Variants in RYR3 observed in about 807,000 individuals in gnomAD.
The protein encoded by RYR3 is ryanodine receptor 3, also known as brain ryanodine receptor-calcium release channel.
Under a neutral mutation model 584.3 loss-of-function variants are expected in RYR3, and 207 were observed. The observed-to-expected ratio is 0.35, with a 90% CI of 0.32 to 0.40. The LOEUF is 0.40. Among genes scored for constraint, RYR3 ranks in the 10% least tolerant of loss-of-function variants. The pLI, the probability that RYR3 is intolerant of heterozygous loss-of-function variation, is 1.00. For synonymous variants in RYR3, 2,416 were observed against 2,248.5 expected (o/e 1.07, Z -2.11); for missense variants, 5,616 against 6,089.2 (o/e 0.92, Z 2.59).
intron 43 of RYR3, among the ~76,000 whole-genome samples, chr15:33,717,930 A>G (rs2067623008): frequency 6.6e-6 from 1 of 152,202 alleles, no homozygotes; most frequent in Non-Finnish European, 1.5e-5. Flanking sequence ...GCTCTTAGAC[A>G]TATCTCCAGT....
rs142351494 is a variant in RYR3, at chr15:33,823,434, A to G, written c.11072+362A>G. 5.3e-5 allele frequency among the ~76,000 whole-genome samples: 8 copies of G among 152,336 alleles called. No individual in the cohort carries two copies. The East Asian group carries it at 1.3e-3, about 26-fold the overall frequency. Reference sequence around the variant, plus strand: ...AAAGTCAAACCAGGAAAGAATGGAAAAGGGGGGATTCCTGACTATGATTCA... The same window carrying G: ...AAAGTCAAACCAGGAAAGAATGGAAGAGGGGGGATTCCTGACTATGATTCA... On this transcript the variant is annotated intron_variant, in intron 81 of 103. Coordinates refer to ENST00000634891, the MANE Select transcript of RYR3 (RefSeq NM_001036.6).
At chr15:33,736,385 ATG>A in intron 49 of RYR3, 60 bp downstream of exon 49, 1 of 1,136,996 alleles carries the variant, frequency 8.8e-7, no homozygotes, top group Non-Finnish European at 1.3e-6. Context: ...GCCTTGTAAT[ATG>A]TGATGTCTTC....
intron 1 of RYR3, among the ~76,000 whole-genome samples, chr15:33,347,995 A>G (rs1444350200): frequency 6.6e-6 from 1 of 151,774 alleles, no homozygotes; most frequent in African/African-American, 2.4e-5. Flanking sequence ...AAAGATATGT[A>G]TGTATATTAA....
chr15:33,646,630 T>C, intron 29 of RYR3, 104 bp downstream of exon 29: 1 of 1,022,434 alleles, frequency 9.8e-7, no homozygotes, highest in Admixed American at 2.4e-5. Context: ...ACTGATAGGG[T>C]TCTCTCTGCT....
chr15:33,646,286 A>G, intron 28 of RYR3, 65 bp from the exon 29 acceptor site: 1 of 1,421,598 alleles, frequency 7.0e-7, no homozygotes, highest in South Asian at 1.4e-5. Flanking sequence ...TCCACGAGGG[A>G]AAAAGGGACT....
chr15:33,532,504 C>T (rs2054968323), intron 4 of RYR3, among the ~76,000 whole-genome samples: 1 of 152,076 alleles, frequency 6.6e-6, no homozygotes, highest in African/African-American at 2.4e-5. Flanking sequence ...TTTTTGAGTA[C>T]AGGTTAACTT....
At chr15:33,383,895 T>C (rs543484029) in intron 1 of RYR3, among the ~76,000 whole-genome samples, 20 of 152,188 alleles carry the variant, frequency 1.3e-4, no homozygotes, top group African/African-American at 4.8e-4. Context: ...ATAAAGAAAA[T>C]TGGGTACATA....
At chr15:33,860,527 T>C (rs1377528062) in intron 100 of RYR3, 68 bp from the exon 101 acceptor site, 11 of 916,620 alleles carry the variant, frequency 1.2e-5, no homozygotes, top group South Asian at 2.1e-5. Context: ...AAGTAGCTTC[T>C]TCCTTTATCA....
At chr15:33,639,470 A>G (rs1342311317) in intron 27 of RYR3, among the ~76,000 whole-genome samples, 1 of 152,218 alleles carries the variant, frequency 6.6e-6, no homozygotes, top group Non-Finnish European at 1.5e-5. Context: ...CTCTGTGTCA[A>G]GTGGAAAGAG....
intron 10 of RYR3, among the ~76,000 whole-genome samples, chr15:33,560,781 A>G (rs1397206930): frequency 6.6e-6 from 1 of 152,244 alleles, no homozygotes; most frequent in Non-Finnish European, 1.5e-5. Flanking sequence ...GCCTATAAAG[A>G]AAATCTCATC....
intron 19 of RYR3, among the ~76,000 whole-genome samples, chr15:33,623,594 A>T (rs1412245451): frequency 2.0e-5 from 3 of 152,204 alleles, no homozygotes; most frequent in African/African-American, 7.2e-5. Flanking sequence ...CTTAGCCGTG[A>T]TGGGTCAGCT....
At chr15:33,426,640 A>G (rs985793702) in intron 1 of RYR3, among the ~76,000 whole-genome samples, 3 of 152,244 alleles carry the variant, frequency 2.0e-5, no homozygotes, top group Admixed American at 6.5e-5. Context: ...TAACAAAGAT[A>G]TAACTGAGGC....
chr15:33,607,470 C>A (rs4238565), intron 18 of RYR3, among the ~76,000 whole-genome samples: 117,447 of 151,932 alleles, frequency 0.77, 46,125 homozygotes, highest in East Asian at 0.96. Flanking sequence ...AGTGGATGGT[C>A]TCTAGAGTTA....
chr15:33,550,158 A>G lies in RYR3; in HGVS notation c.816-2A>G. 1 of 1,611,762 alleles carries G rather than the reference A, an allele frequency of 6.2e-7. No homozygotes were observed. The highest frequency in any genetic ancestry group is 8.5e-7 in the Non-Finnish European group (1 of 1,179,290). On this transcript the variant is annotated splice_acceptor_variant, in intron 9 of 103. Transcript: ENST00000634891. LOFTEE classifies it high-confidence loss of function. The stretch of plus-strand genomic sequence containing the variant: ...AATTTCTTGTCTGTTTCATCTGCCC[A>G]GCTGGAGTGGCAGTAACATCAGATG...
At chr15:33,548,431 C>T (rs957027235) in intron 9 of RYR3, among the ~76,000 whole-genome samples, 1 of 152,214 alleles carries the variant, frequency 6.6e-6, no homozygotes, top group Non-Finnish European at 1.5e-5. Context: ...TCTGCCCTTG[C>T]AGTAGCTGAC....
At chr15:33,641,681 G>C (rs1417545318) in intron 27 of RYR3, among the ~76,000 whole-genome samples, 1 of 152,136 alleles carries the variant, frequency 6.6e-6, no homozygotes, top group Non-Finnish European at 1.5e-5. Flanking sequence ...AGATTTAGCT[G>C]TTCTGCTGCT....
chr15:33,590,387 G>A (rs1331373735), intron 16 of RYR3, among the ~76,000 whole-genome samples: 1 of 152,100 alleles, frequency 6.6e-6, no homozygotes, highest in African/African-American at 2.4e-5. Flanking sequence ...GGCTACTCAG[G>A]TTCTTTTTTG....
chr15:33,351,551 C>G (rs1447926864), intron 1 of RYR3, among the ~76,000 whole-genome samples: 1 of 151,460 alleles, frequency 6.6e-6, no homozygotes, highest in Admixed American at 6.6e-5. Flanking sequence ...CATCAAAAAG[C>G]TTATCCACCA....
chr15:33,714,614 G>C (rs1360653190), intron 43 of RYR3, among the ~76,000 whole-genome samples: 1 of 152,168 alleles, frequency 6.6e-6, no homozygotes, highest in Non-Finnish European at 1.5e-5. Context: ...ACAAGAAAAA[G>C]GGAAAAGTTA....
Sources: gnomAD v4.1 joint callset for allele counts (sites outside exome capture counted in the v4.1 genomes callset) on GRCh38, gnomAD v4.1.1 for gene constraint, MANE v1.5 for transcripts, NCBI Gene and HGNC (gene_info 2026-07-23, HGNC 2026-07-21) for gene names.